The following TRIM24 variants were observed in gnomAD, a reference collection of about 807,000 sequenced individuals.
TRIM24 encodes transcription intermediary factor 1-alpha.
TRIM24 carries 29 observed loss-of-function variants against 123.9 expected under a neutral mutation model. The ratio of observed to expected loss-of-function variants is 0.23; its 90% CI spans 0.17 to 0.32. TRIM24 has a LOEUF of 0.32. Ranked by LOEUF, TRIM24 falls within the 10% of genes least tolerant of loss-of-function variation. The probability of loss-of-function intolerance (pLI) is 1.00; values close to 1 mark genes in which losing one functional copy is unlikely to be tolerated. For synonymous variants in TRIM24, 456 were observed against 461.1 expected, an observed-to-expected ratio of 0.99 and a Z score of 0.14; for missense variants, 932 against 1,295.3, an observed-to-expected ratio of 0.72 and a Z score of 4.31.
chr7:138,568,247 G>A (rs1314621581), intron 10 of TRIM24, among the ~76,000 whole-genome samples: 1 of 151,828 alleles, frequency 6.6e-6, no homozygotes. Context: ...AGCCTCCTGA[G>A]TAGCTGAGAC....
At chr7:138,528,061 T>C (rs984638818) in intron 5 of TRIM24, among the ~76,000 whole-genome samples, 3 of 152,160 alleles carry the variant, frequency 2.0e-5, no homozygotes, top group African/African-American at 7.2e-5. Flanking sequence ...GACAGGTTCA[T>C]AACTCAGGCT....
At chr7:138,564,032 A>G (rs745487087) in intron 9 of TRIM24, among the ~76,000 whole-genome samples, 10 of 152,210 alleles carry the variant, frequency 6.6e-5, no homozygotes, top group Middle Eastern at 3.2e-3. Context: ...CAGTGTCAAG[A>G]GGAGCTGCCT....
intron 4 of TRIM24, among the ~76,000 whole-genome samples, chr7:138,520,057 G>A (rs957939125): frequency 6.6e-6 from 1 of 152,208 alleles, no homozygotes; most frequent in Non-Finnish European, 1.5e-5. Context: ...AAATGCTAGA[G>A]CAAATAGTAA....
chr7:138,544,395 A>G (rs887473603), intron 7 of TRIM24, among the ~76,000 whole-genome samples: 1 of 152,090 alleles, frequency 6.6e-6, no homozygotes, highest in African/African-American at 2.4e-5. Flanking sequence ...GTATATATCT[A>G]CTGCAATTTA....
chr7:138,538,511 TACTAATAGGGAAA>T, intron 6 of TRIM24, 133 bp from the exon 7 acceptor site: 1 of 918,248 alleles, frequency 1.1e-6, no homozygotes, highest in East Asian at 2.7e-5. Flanking sequence ...TGATCCTTTA[TACTAATAGGGAAA>T]ACAGAGTATT....
chr7:138,511,304 C>CT (rs760269729), intron 2 of TRIM24, among the ~76,000 whole-genome samples: 6,089 of 140,950 alleles, frequency 0.043, 170 homozygotes, highest in African/African-American at 0.075. Context: ...TTCTTTCTTT[C>CT]TTTTTTTTTT....
At chr7:138,527,052 T>TA (rs1563046959) in intron 5 of TRIM24, among the ~76,000 whole-genome samples, 2 of 152,070 alleles carry the variant, frequency 1.3e-5, no homozygotes, top group African/African-American at 4.8e-5. Context: ...CATTTTTTTT[T>TA]ATGTACCGCT....
intron 2 of TRIM24, among the ~76,000 whole-genome samples, chr7:138,511,076 TAAAG>T (rs887930318): frequency 6.6e-6 from 1 of 152,184 alleles, no homozygotes; most frequent in Non-Finnish European, 1.5e-5. Context: ...TGCATTGCTA[TAAAG>T]AAATACCTGA....
At position 138,554,193 on chromosome 7, in the gene TRIM24, G is replaced by A. The variant is rs1160689524; in HGVS notation, c.1262-505G>A. On this transcript the variant is annotated intron_variant, in intron 8 of 18. Transcript: ENST00000343526. The surrounding 1 kb of genome is among the most constrained non-coding windows in gnomAD (Gnocchi z 4.5). ...GAACTCCAAACACACATTCTTCTTA[G>A]GCCATACAGGGTCACTCACAGGGTA... Among the ~76,000 whole-genome samples, 1 of 152,072 alleles carries A rather than the reference G, an allele frequency of 6.6e-6. No homozygotes were observed. The highest frequency in any genetic ancestry group is 2.4e-5 in the African/African-American group (1 of 41,400).
chr7:138,460,421 C>T lies in TRIM24; in HGVS notation c.-128C>T. 1.9e-6 allele frequency: 2 copies of T among 1,063,758 alleles called. No individual in the cohort carries two copies. The highest frequency in any genetic ancestry group is 2.4e-6 in the Non-Finnish European group (2 of 832,558). The allele number at this position is 1,063,758 out of a possible 1,614,324, so 65.9% of individuals were successfully genotyped here. ...TCCCCCGCCCGGTTTGCTTTCCCTC[C>T]CTCGCTGGCGCTGCCGCGAGTCCAC... On this transcript the variant is annotated 5_prime_UTR_variant, in exon 1 of 19. Coordinates refer to ENST00000343526, the MANE Select transcript of TRIM24 (RefSeq NM_015905.3).
At chr7:138,471,728 A>G (rs1244160039) in intron 1 of TRIM24, among the ~76,000 whole-genome samples, 1 of 151,870 alleles carries the variant, frequency 6.6e-6, no homozygotes, top group Non-Finnish European at 1.5e-5. Flanking sequence ...TTTAGTAGAG[A>G]TGGGGTTTCG....
chr7:138,490,180 A>T (rs1352973236), intron 1 of TRIM24, among the ~76,000 whole-genome samples: 1 of 151,962 alleles, frequency 6.6e-6, no homozygotes, highest in Non-Finnish European at 1.5e-5. Flanking sequence ...CCTAGTTCTC[A>T]TGCCATGGTT....
chr7:138,578,264 A>T (rs1797806952), intron 14 of TRIM24, among the ~76,000 whole-genome samples: 1 of 151,972 alleles, frequency 6.6e-6, no homozygotes, highest in South Asian at 2.1e-4. Flanking sequence ...GTCTGCAGTG[A>T]ACAATATTTA....
chr7:138,472,756 A>G (rs1795299266), intron 1 of TRIM24, among the ~76,000 whole-genome samples: 1 of 152,258 alleles, frequency 6.6e-6, no homozygotes, highest in East Asian at 1.9e-4. Context: ...CTGAAACAAG[A>G]TAAGGACATT....
intron 6 of TRIM24, among the ~76,000 whole-genome samples, chr7:138,529,725 G>C (rs1796689212): frequency 6.6e-6 from 1 of 152,126 alleles, no homozygotes; most frequent in African/African-American, 2.4e-5. Context: ...GCACTTAGTT[G>C]TTTCTCACTG....
intron 4 of TRIM24, among the ~76,000 whole-genome samples, chr7:138,522,483 G>T (rs553620409): frequency 6.6e-6 from 1 of 151,998 alleles, no homozygotes; most frequent in Non-Finnish European, 1.5e-5. Flanking sequence ...TGAAAATATT[G>T]AAAAATACCA....
At chr7:138,510,636 G>A (rs1197316702) in intron 2 of TRIM24, among the ~76,000 whole-genome samples, 1 of 152,092 alleles carries the variant, frequency 6.6e-6, no homozygotes, top group South Asian at 2.1e-4. Context: ...TGCCCAGGCT[G>A]GTCTCGAACT....
At chr7:138,511,056 ACT>A (rs1796274420) in intron 2 of TRIM24, among the ~76,000 whole-genome samples, 1 of 152,010 alleles carries the variant, frequency 6.6e-6, no homozygotes, top group African/African-American at 2.4e-5. Context: ...CATCTGTATC[ACT>A]CTGTTTTTGC....
intron 1 of TRIM24, among the ~76,000 whole-genome samples, chr7:138,478,679 G>A (rs62487615): frequency 0.27 from 41,293 of 151,904 alleles, 6,250 homozygotes; most frequent in East Asian, 0.5. Context: ...ATTCATGAAT[G>A]GGCAGTATCA....
Sources: gnomAD v4.1 joint callset for allele counts (sites outside exome capture counted in the v4.1 genomes callset) on GRCh38, gnomAD v4.1.1 for gene constraint, Gnocchi (gnomAD v3.1) non-coding constraint, MANE v1.5 for transcripts, NCBI Gene and HGNC (gene_info 2026-07-23, HGNC 2026-07-21) for gene names.